NALCN: variants seen among roughly 807,000 people sequenced by gnomAD.
NALCN encodes the protein sodium leak channel NALCN.
Under a neutral mutation model 225.3 loss-of-function variants are expected in NALCN, and 111 were observed. The observed-to-expected ratio is 0.49, with a 90% CI of 0.42 to 0.58. NALCN has a LOEUF of 0.58. NALCN is among the 20% of genes least tolerant of loss of function. The pLI, the probability that NALCN is intolerant of heterozygous loss-of-function variation, is 0.00. For synonymous variants in NALCN, 764 were observed against 769.0 expected (o/e 0.99, Z 0.11); for missense variants, 1,378 against 2,202.4 (o/e 0.63, Z 7.49).
intron 18 of NALCN, among the ~76,000 whole-genome samples, chr13:101,120,199 T>C (rs757183189): frequency 5.9e-5 from 9 of 152,120 alleles, no homozygotes; most frequent in East Asian, 1.9e-4. Flanking sequence ...AAATGGAAGA[T>C]GGATATTTGG....
intron 7 of NALCN, among the ~76,000 whole-genome samples, chr13:101,340,979 G>T (rs1158686071): frequency 6.6e-6 from 1 of 152,072 alleles, no homozygotes; most frequent in Non-Finnish European, 1.5e-5. Flanking sequence ...CTCATCTCAT[G>T]ACAAGTATGC....
In NALCN at chr13:101,083,810, C is replaced by T. The variant is rs1268888920; in HGVS notation, c.3490-6G>A. ...ACGGTCAGCAAAGCCGTCCCCTTAA[C>T]AGACAAAAGAAAGCAGGAAAAGGCC... On this transcript the variant is annotated splice_region_variant and splice_polypyrimidine_tract_variant and intron_variant, in intron 30 of 43. Transcript: ENST00000251127. The T allele has an allele frequency of 6.2e-7, 1 of 1,612,728 alleles. No homozygotes were observed. Among genetic ancestry groups the T allele is most frequent in the Non-Finnish European group, 8.5e-7 (1 of 1,179,212 alleles).
At chr13:101,311,129 A>G (rs953745516) in intron 7 of NALCN, among the ~76,000 whole-genome samples, 3 of 150,442 alleles carry the variant, frequency 2.0e-5, no homozygotes, top group Non-Finnish European at 3.0e-5. Context: ...GCAACTGTGA[A>G]TGGGAGTTCA....
chr13:101,380,845 T>TA (rs1566634331), intron 3 of NALCN, among the ~76,000 whole-genome samples: 1 of 142,412 alleles, frequency 7.0e-6, no homozygotes, highest in African/African-American at 2.8e-5. Context: ...AGAGGATATA[T>TA]AATGCCTAGC....
chr13:101,398,484 G>A (rs1253002540), intron 2 of NALCN, among the ~76,000 whole-genome samples: 1 of 152,144 alleles, frequency 6.6e-6, no homozygotes, highest in Non-Finnish European at 1.5e-5. Flanking sequence ...TATGCTTTCT[G>A]GCACACAGTC....
At chr13:101,335,025 T>C (rs1320772618) in intron 7 of NALCN, among the ~76,000 whole-genome samples, 3 of 152,220 alleles carry the variant, frequency 2.0e-5, no homozygotes, top group Non-Finnish European at 2.9e-5. Context: ...ATAAAAATGC[T>C]AATTTCTTGG....
intron 13 of NALCN, among the ~76,000 whole-genome samples, chr13:101,209,132 T>C (rs2040431046): frequency 6.6e-6 from 1 of 152,184 alleles, no homozygotes; most frequent in Non-Finnish European, 1.5e-5. Flanking sequence ...AGAATTATAT[T>C]AGATATATGT....
At chr13:101,400,580 T>TGC (rs1555347166) in intron 1 of NALCN, among the ~76,000 whole-genome samples, 5,563 of 135,652 alleles carry the variant, frequency 0.041, 215 homozygotes, top group African/African-American at 0.049. Context: ...TGTGTGTGTG[T>TGC]GCACGTGTGT....
chr13:101,162,198 C>T (rs780914314), intron 15 of NALCN, among the ~76,000 whole-genome samples: 4 of 152,192 alleles, frequency 2.6e-5, no homozygotes, highest in Admixed American at 6.5e-5. Context: ...CTGAAGAAAG[C>T]TCATCTCAAT....
chr13:101,156,200 G>T (rs1319790274), intron 15 of NALCN, among the ~76,000 whole-genome samples: 1 of 151,904 alleles, frequency 6.6e-6, no homozygotes, highest in Admixed American at 6.6e-5. Flanking sequence ...TTGCTTGTTT[G>T]TTTTTTCCTT....
chr13:101,101,281 C>A (rs200405119), intron 26 of NALCN, among the ~76,000 whole-genome samples: 4 of 112,370 alleles, frequency 3.6e-5, no homozygotes, highest in African/African-American at 1.4e-4. Flanking sequence ...ATTTTTTTTT[C>A]TTTTTTTTTT....
chr13:101,279,565 C>G (rs1273719572), intron 10 of NALCN, among the ~76,000 whole-genome samples: 3 of 151,930 alleles, frequency 2.0e-5, no homozygotes, highest in Admixed American at 2.0e-4. Context: ...GCCTGTAATC[C>G]CAGCACTTTG....
chr13:101,364,596 T>C (rs2046332130), intron 6 of NALCN, among the ~76,000 whole-genome samples: 3 of 152,160 alleles, frequency 2.0e-5, no homozygotes, highest in South Asian at 4.1e-4. Flanking sequence ...AAGCCCAGGG[T>C]TGGATGAAGA....
chr13:101,058,220 G>T (rs1566765305), intron 42 of NALCN, 164 bp from the exon 43 acceptor site: 22 of 606,394 alleles, frequency 3.6e-5, no homozygotes, highest in Non-Finnish European at 2.9e-6. Context: ...AAGGGTCACA[G>T]AAGAAAAAGA....
At chr13:101,267,262 A>G (rs542471632) in intron 10 of NALCN, among the ~76,000 whole-genome samples, 1 of 152,168 alleles carries the variant, frequency 6.6e-6, no homozygotes, top group Non-Finnish European at 1.5e-5. Context: ...ATTTTTTTCA[A>G]TCACCAGCTC....
chr13:101,171,506 A>G (rs538500477), intron 15 of NALCN, among the ~76,000 whole-genome samples: 1 of 152,202 alleles, frequency 6.6e-6, no homozygotes, highest in African/African-American at 2.4e-5. Flanking sequence ...TATGGTTTCT[A>G]CGTACTTCAA....
At chr13:101,125,589 G>T (rs991796616) in intron 17 of NALCN, among the ~76,000 whole-genome samples, 1 of 152,102 alleles carries the variant, frequency 6.6e-6, no homozygotes, top group African/African-American at 2.4e-5. Context: ...GAAGACAAGG[G>T]TAGGACACAT....
intron 1 of NALCN, among the ~76,000 whole-genome samples, chr13:101,408,530 C>A (rs919834753): frequency 1.3e-5 from 2 of 152,184 alleles, no homozygotes; most frequent in Admixed American, 1.3e-4. Flanking sequence ...AGCGGCAATG[C>A]GTGTCTCCAC....
At chr13:101,379,535 A>G (rs930337935) in intron 3 of NALCN, among the ~76,000 whole-genome samples, 1 of 152,218 alleles carries the variant, frequency 6.6e-6, no homozygotes, top group Admixed American at 6.5e-5. Context: ...CTATGCAGCC[A>G]TAAAAAAGGA....
Sources: gnomAD v4.1 joint callset for allele counts (sites outside exome capture counted in the v4.1 genomes callset) on GRCh38, gnomAD v4.1.1 for gene constraint, MANE v1.5 for transcripts, NCBI Gene and HGNC (gene_info 2026-07-23, HGNC 2026-07-21) for gene names.